Variants in PSMD9 observed in about 807,000 individuals in gnomAD.
PSMD9 encodes the protein proteasome 26S subunit, non-ATPase 9, also known as 26S proteasome non-ATPase regulatory subunit 9.
Under a neutral mutation model 25.9 loss-of-function variants are expected in PSMD9, and 26 were observed. The observed-to-expected ratio is 1.00, with a 90% confidence interval of 0.73 to 1.39. The LOEUF (loss-of-function observed/expected upper bound fraction) is 1.39. PSMD9 is among the 40% of genes most tolerant of loss of function. The pLI is 0.00. For missense variants in PSMD9, 303 were observed against 299.3 expected (o/e 1.01, Z -0.09); for synonymous variants, 110 against 114.5 (o/e 0.96, Z 0.25).
intron 2 of PSMD9, among the ~76,000 whole-genome samples, chr12:121,896,985 A>G (rs1163520576): frequency 7.3e-6 from 1 of 136,654 alleles, no homozygotes; most frequent in African/African-American, 2.6e-5. Context: ...ATACACACAT[A>G]CATGTGTATG....
intron 2 of PSMD9, 46 bp downstream of exon 2, chr12:121,894,887 G>A (rs888121892): frequency 1.3e-6 from 2 of 1,490,564 alleles, no homozygotes; most frequent in African/African-American, 2.8e-5. Context: ...TGGTGGGAAG[G>A]TGTTAAAGGC....
chr12:121,907,345 C>T (rs1879591595), intron 4 of PSMD9, among the ~76,000 whole-genome samples: 1 of 151,724 alleles, frequency 6.6e-6, no homozygotes, highest in Admixed American at 6.6e-5. Context: ...GCTGGGATTA[C>T]AGGCGTGAGC....
At chr12:121,902,509 A>G (rs770497888) in intron 3 of PSMD9, 53 of 157,478 alleles carry the variant, frequency 3.4e-4, no homozygotes, top group Non-Finnish European at 5.3e-4. Context: ...GGGGTGAATG[A>G]GTGGTGGTCT....
At chr12:121,898,650 C>T (rs569112585) in intron 2 of PSMD9, 1 of 152,272 alleles carries the variant, frequency 6.6e-6, no homozygotes, top group African/African-American at 2.4e-5. Context: ...AAGTAATTCT[C>T]CTGCTTCAGC....
intron 4 of PSMD9, 42 bp downstream of exon 4, chr12:121,903,149 C>T (rs1426766808): frequency 6.6e-7 from 1 of 1,517,986 alleles, no homozygotes; most frequent in Admixed American, 1.7e-5. Flanking sequence ...TTGGGTTTTT[C>T]TAACAGTATG....
intron 4 of PSMD9, among the ~76,000 whole-genome samples, chr12:121,905,961 A>T (rs1879542612): frequency 6.6e-6 from 1 of 151,588 alleles, no homozygotes; most frequent in African/African-American, 2.4e-5. Context: ...AACTTCCAGA[A>T]TGTCATAGAG....
chr12:121,913,477 A>G (rs1236846680), intron 4 of PSMD9, among the ~76,000 whole-genome samples: 1 of 149,300 alleles, frequency 6.7e-6, no homozygotes, highest in East Asian at 2.0e-4. Context: ...TATGATTTGC[A>G]TGTATTTTCT....
At chr12:121,910,133 T>A (rs1879677844) in intron 4 of PSMD9, among the ~76,000 whole-genome samples, 1 of 129,798 alleles carries the variant, frequency 7.7e-6, no homozygotes, top group South Asian at 2.5e-4. Context: ...ATAGCCAGGC[T>A]GGAGTGCAGC....
intron 1 of PSMD9, among the ~76,000 whole-genome samples, chr12:121,892,515 A>G (rs975569197): frequency 1.3e-5 from 2 of 152,120 alleles, no homozygotes; most frequent in African/African-American, 4.8e-5. Context: ...CCTGGTTAAC[A>G]CGGTGAAACC....
At chr12:121,893,447 C>T (rs1299759308) in intron 1 of PSMD9, among the ~76,000 whole-genome samples, 4 of 152,228 alleles carry the variant, frequency 2.6e-5, no homozygotes, top group East Asian at 1.9e-4. Flanking sequence ...GACTTCTGCG[C>T]GTAGTCGTTT....
intron 4 of PSMD9, among the ~76,000 whole-genome samples, chr12:121,913,229 C>G (rs939599729): frequency 6.6e-6 from 1 of 151,868 alleles, no homozygotes; most frequent in Non-Finnish European, 1.5e-5. Context: ...CAGGCGTGAG[C>G]CACCGCGCCT....
At chr12:121,911,448 C>T (rs1177453153) in intron 4 of PSMD9, among the ~76,000 whole-genome samples, 2 of 152,192 alleles carry the variant, frequency 1.3e-5, no homozygotes, top group African/African-American at 4.8e-5. Context: ...GTATACACCA[C>T]ATTATTTTTA....
intron 4 of PSMD9, chr12:121,914,400 A>G (rs11043241): frequency 0.53 from 80,279 of 151,534 alleles, 22,028 homozygotes; most frequent in African/African-American, 0.66. Context: ...AAATACAAAA[A>G]TTATCTGGGC....
Position 121,888,830 on chromosome 12 carries a change from C to G in PSMD9, c.-27C>G, listed in dbSNP as rs767145124. ...GTCGTCCCTAGCCCGGGAGCCGGGT[C>G]TCTGGAGTCGCGGCCCGGGGTTCAC... is the stretch of plus-strand genomic sequence containing the variant. On this transcript the variant is annotated 5_prime_UTR_variant, in exon 1 of 6. Transcript: ENST00000541212. 2.5e-6 allele frequency: 4 copies of G among 1,593,564 alleles called. No individual in the cohort carries two copies. The highest frequency in any genetic ancestry group is 3.4e-6 in the Non-Finnish European group (4 of 1,171,240).
At chr12:121,898,238 C>T (rs1009422641) in intron 2 of PSMD9, 1 of 152,180 alleles carries the variant, frequency 6.6e-6, no homozygotes, top group Non-Finnish European at 1.5e-5. Flanking sequence ...CAGGTAGTAC[C>T]GCAATCCCAC....
chr12:121,894,817 C>T lies in PSMD9; in HGVS notation c.217C>T (p.Arg73Cys), dbSNP rs552043284. 3.0e-5 allele frequency: 48 copies of T among 1,613,776 alleles called. No homozygotes were observed. The highest frequency in any genetic ancestry group is 1.7e-4 in the Middle Eastern group (1 of 6,060). Residue 73 changes from arginine to cysteine, a missense_variant, in exon 2 of 6, where the codon CGC becomes TGC. By Grantham distance (180) the Arg-to-Cys change is radical. Coordinates refer to ENST00000541212, the MANE Select transcript of PSMD9 (RefSeq NM_002813.7). ...PRSDVDLYQV[R>C]TARHNIICLQ... ...GTCAGACGTGGACCTGTACCAAGTCCGCACCGCCAGGCACAACATCATATG... is the reference window on the plus strand; with the variant it reads ...GTCAGACGTGGACCTGTACCAAGTCTGCACCGCCAGGCACAACATCATATG...
chr12:121,891,710 A>G (rs1340560103), intron 1 of PSMD9, among the ~76,000 whole-genome samples: 3 of 152,018 alleles, frequency 2.0e-5, no homozygotes, highest in Non-Finnish European at 4.4e-5. Flanking sequence ...GTCCGAGACC[A>G]GCCTGGCCAA....
At chr12:121,894,507 A>G (rs1879175337) in intron 1 of PSMD9, 1 of 481,920 alleles carries the variant, frequency 2.1e-6, no homozygotes. Flanking sequence ...AACTTCAAAA[A>G]AGAATGGATT....
chr12:121,911,402 C>T (rs1194416022), intron 4 of PSMD9, among the ~76,000 whole-genome samples: 1 of 152,148 alleles, frequency 6.6e-6, no homozygotes, highest in Non-Finnish European at 1.5e-5. Flanking sequence ...GTCAGAATTT[C>T]CTTCCTTTTA....
Sources: allele counts gnomAD v4.1 joint callset (sites outside exome capture counted in the v4.1 genomes callset), GRCh38; gene constraint gnomAD v4.1.1; transcripts MANE v1.5; gene names NCBI Gene and HGNC (gene_info 2026-07-23, HGNC 2026-07-21).